Variants in TSHZ2 observed in about 807,000 individuals in gnomAD.
The protein encoded by TSHZ2 is teashirt zinc finger homeobox 2.
In TSHZ2, 21 loss-of-function variants were observed where a neutral mutation model predicts 74.4. That is an observed-to-expected ratio of 0.28 (90% CI 0.20 to 0.41). TSHZ2 has a LOEUF of 0.41. Among genes scored for constraint, TSHZ2 ranks in the 10% least tolerant of loss-of-function variants. TSHZ2 has a pLI of 1.00. For synonymous variants in TSHZ2, 540 were observed against 515.3 expected, an observed-to-expected ratio of 1.05 and a Z score of -0.65; for missense variants, 1,244 against 1,293.5, an observed-to-expected ratio of 0.96 and a Z score of 0.59.
intron 2 of TSHZ2, among the ~76,000 whole-genome samples, chr20:53,358,089 A>G (rs1980911400): frequency 6.6e-6 from 1 of 152,148 alleles, no homozygotes; most frequent in African/African-American, 2.4e-5. Context: ...AGCTTCTTTA[A>G]AAGTGCCATA....
intron 1 of TSHZ2, among the ~76,000 whole-genome samples, chr20:53,160,744 C>CAAAAAAAAAAAAAAAAAAAAAAAAAA (rs1762991150): frequency 1.4e-5 from 1 of 69,096 alleles, no homozygotes; most frequent in African/African-American, 9.5e-5. Flanking sequence ...GACTCTGTCT[C>CAAAAAAAAAAAAAAAAAAAAAAAAAA]CAAAAAAAAA....
chr20:53,474,876 G>A (rs1985943632), intron 2 of TSHZ2, among the ~76,000 whole-genome samples: 1 of 144,346 alleles, frequency 6.9e-6, no homozygotes, highest in Admixed American at 6.9e-5. Context: ...AGATAAAACA[G>A]ACTTTAAACC....
chr20:53,296,870 G>GCCA (rs1991390064), intron 2 of TSHZ2, among the ~76,000 whole-genome samples: 1 of 152,208 alleles, frequency 6.6e-6, no homozygotes, highest in South Asian at 2.1e-4. Context: ...GTCTAGGGAC[G>GCCA]CCATCACAAA....
intron 2 of TSHZ2, among the ~76,000 whole-genome samples, chr20:53,417,398 G>A: frequency 6.6e-6 from 1 of 152,052 alleles, no homozygotes; most frequent in East Asian, 1.9e-4. Flanking sequence ...CCAGGTTCAA[G>A]CGATTCTCCT....
chr20:53,075,237 T>C (rs1985331125), intron 1 of TSHZ2, among the ~76,000 whole-genome samples: 1 of 152,202 alleles, frequency 6.6e-6, no homozygotes, highest in Non-Finnish European at 1.5e-5. Context: ...AGACAGGTAG[T>C]CTCAGACTTT....
chr20:53,099,870 A>G (rs1986167095), intron 1 of TSHZ2, among the ~76,000 whole-genome samples: 1 of 152,176 alleles, frequency 6.6e-6, no homozygotes, highest in African/African-American at 2.4e-5. Context: ...TTGGGTGGGG[A>G]CACAGCCAAA....
At chr20:53,065,027 C>T (rs991192091) in intron 1 of TSHZ2, among the ~76,000 whole-genome samples, 3 of 152,114 alleles carry the variant, frequency 2.0e-5, no homozygotes, top group Non-Finnish European at 4.4e-5. Context: ...GGGTTAAATT[C>T]GAAAATCGGT....
intron 2 of TSHZ2, among the ~76,000 whole-genome samples, chr20:53,433,023 A>C (rs985316941): frequency 1.3e-5 from 2 of 152,116 alleles, no homozygotes; most frequent in Admixed American, 1.3e-4. Flanking sequence ...GTCCACATTC[A>C]AGGTAGGAAA....
intron 2 of TSHZ2, among the ~76,000 whole-genome samples, chr20:53,334,564 C>T (rs1979864155): frequency 6.6e-6 from 1 of 152,246 alleles, no homozygotes; most frequent in South Asian, 2.1e-4. Context: ...AATTGCACTT[C>T]CAGTGTGCGG....
Position 52,973,218 on chromosome 20 carries a change from A to G in TSHZ2, c.-76A>G, listed in dbSNP as rs1981193641. 1.9e-6 allele frequency: 3 copies of G among 1,540,066 alleles called. No individual in the cohort carries two copies. The East Asian group carries it at 7.4e-5, about 38-fold the overall frequency. On this transcript the variant is annotated 5_prime_UTR_variant, in exon 1 of 3. Transcript: ENST00000371497. Reference sequence around the variant, plus strand: ...GGCAAGAGGCGGAGGAGACCCAGAGAGGCCAGAGAGACAGCGGGCCCCAGC... The same window carrying G: ...GGCAAGAGGCGGAGGAGACCCAGAGGGGCCAGAGAGACAGCGGGCCCCAGC...
chr20:53,010,073 AC>A (rs1982794444), intron 1 of TSHZ2, among the ~76,000 whole-genome samples: 1 of 152,018 alleles, frequency 6.6e-6, no homozygotes, highest in African/African-American at 2.4e-5. Flanking sequence ...CTTCTCACCT[AC>A]CATTTTCTCC....
rs536560026 is a variant in TSHZ2, at chr20:53,492,254, T to A, written c.*5119T>A. ...AATGTGAAGACTTTGTACAGTAATA[T>A]TTTCACTTTCTAAATGACCCATATA... is the stretch of plus-strand genomic sequence containing the variant. On this transcript the variant is annotated 3_prime_UTR_variant, in exon 3 of 3. Transcript: ENST00000371497. 1.3e-5 allele frequency: 2 copies of A among 152,304 alleles called. No individual in the cohort carries two copies. Among genetic ancestry groups the A allele is most frequent in the African/African-American group, 4.8e-5 (2 of 41,566 alleles). 9.4% of individuals were successfully genotyped at this position (152,304 alleles called of 1,614,324 possible).
intron 1 of TSHZ2, among the ~76,000 whole-genome samples, chr20:53,015,443 G>A (rs1983000499): frequency 6.6e-6 from 1 of 152,026 alleles, no homozygotes; most frequent in Non-Finnish European, 1.5e-5. Flanking sequence ...ACAATACACA[G>A]AACACCCCCA....
chr20:53,150,975 T>C (rs1987663863), intron 1 of TSHZ2, among the ~76,000 whole-genome samples: 1 of 152,206 alleles, frequency 6.6e-6, no homozygotes, highest in African/African-American at 2.4e-5. Context: ...TTAGGTAATC[T>C]AGTTAATTGA....
chr20:53,247,014 A>T (rs370782826), intron 1 of TSHZ2, among the ~76,000 whole-genome samples: 5 of 152,196 alleles, frequency 3.3e-5, no homozygotes, highest in Non-Finnish European at 7.3e-5. Context: ...TTATCTCCGC[A>T]GAGTACTCAT....
At chr20:53,106,268 T>C (rs990821486) in intron 1 of TSHZ2, among the ~76,000 whole-genome samples, 2 of 152,070 alleles carry the variant, frequency 1.3e-5, no homozygotes, top group Admixed American at 1.3e-4. Context: ...TATAACCACC[T>C]TTTTACTCGC....
chr20:53,437,398 G>A (rs746146165), intron 2 of TSHZ2, among the ~76,000 whole-genome samples: 3 of 152,040 alleles, frequency 2.0e-5, no homozygotes, highest in African/African-American at 2.4e-5. Context: ...GCTTGAACCC[G>A]GGGGACAGAG....
Position 53,035,831 on chromosome 20 carries a change from C to T in TSHZ2, c.40+62498C>T, listed in dbSNP as rs1983798760. On this transcript the variant is annotated intron_variant, in intron 1 of 2. Transcript: ENST00000371497. ...GTAGGTGACAGACACATTAGGATCA[C>T]TTTTATACTACAAAGATTAGAAGTG... is the stretch of plus-strand genomic sequence containing the variant. Among the ~76,000 whole-genome samples the T allele has an allele frequency of 2.6e-5, 4 of 152,268 alleles. No individual in the cohort carries two copies. The South Asian group carries it at 8.3e-4, about 32-fold the overall frequency.
In TSHZ2 at chr20:53,457,726, A is replaced by G. The variant is rs1391539688; in HGVS notation, c.*9-29418A>G. ...TAGATAGCTCTTATTATTTTGAAATATGTCCCATCAATACCTAATTTATTG... is the reference window on the plus strand; with the variant it reads ...TAGATAGCTCTTATTATTTTGAAATGTGTCCCATCAATACCTAATTTATTG... On this transcript the variant is annotated intron_variant, in intron 2 of 2. Transcript: ENST00000371497. Among the ~76,000 whole-genome samples the G allele has an allele frequency of 2.7e-5, 4 of 150,838 alleles. No individual in the cohort carries two copies. The East Asian group carries it at 7.8e-4, about 29-fold the overall frequency.
Sources: allele counts gnomAD v4.1 joint callset (sites outside exome capture counted in the v4.1 genomes callset), GRCh38; gene constraint gnomAD v4.1.1; transcripts MANE v1.5; gene names NCBI Gene and HGNC (gene_info 2026-07-23, HGNC 2026-07-21).